The following ADGRF3 variants were observed in gnomAD, a reference collection of about 807,000 sequenced individuals.
ADGRF3 encodes G protein-coupled receptor 113.
ADGRF3 carries 85 observed loss-of-function variants against 93.2 expected under a neutral mutation model. The ratio of observed to expected loss-of-function variants is 0.91; its 90% CI spans 0.77 to 1.09. ADGRF3 has a LOEUF of 1.09. ADGRF3 is among the 50% of genes least tolerant of loss of function. The pLI, the probability that ADGRF3 is intolerant of heterozygous loss-of-function variation, is 0.00. For synonymous variants in ADGRF3, 534 were observed against 532.5 expected (o/e 1.00, Z -0.04); for missense variants, 1,125 against 1,246.2 (o/e 0.90, Z 1.46).
At chr2:26,345,388 G>GCT (rs1409828491) in intron 1 of ADGRF3, among the ~76,000 whole-genome samples, 4 of 152,162 alleles carry the variant, frequency 2.6e-5, no homozygotes, top group African/African-American at 9.7e-5. Context: ...AGAGATCACT[G>GCT]CTTTTATCTG....
chr2:26,316,023 A>G (rs1399774423), intron 4 of ADGRF3, among the ~76,000 whole-genome samples: 2 of 151,968 alleles, frequency 1.3e-5, no homozygotes, highest in Non-Finnish European at 2.9e-5. Context: ...CCTGCCTCCT[A>G]AGGTAAAAAG....
intron 1 of ADGRF3, among the ~76,000 whole-genome samples, chr2:26,332,785 T>C (rs1675839040): frequency 1.3e-5 from 2 of 152,084 alleles, no homozygotes; most frequent in Non-Finnish European, 2.9e-5. Flanking sequence ...TGTTAATTTT[T>C]TTTTCTATTT....
intron 1 of ADGRF3, chr2:26,318,937 T>G (rs1370973344): frequency 6.4e-7 from 1 of 1,551,574 alleles, no homozygotes; most frequent in East Asian, 2.4e-5. Context: ...CTGCAGACCT[T>G]CCCTGGGTCT....
chr2:26,312,661 T>A (rs1674281148), intron 9 of ADGRF3, among the ~76,000 whole-genome samples: 1 of 152,194 alleles, frequency 6.6e-6, no homozygotes, highest in Admixed American at 6.5e-5. Context: ...CCTGTCTGTA[T>A]CATAGCCACA....
chr2:26,325,791 T>C (rs1267236654), intron 1 of ADGRF3, among the ~76,000 whole-genome samples: 1 of 152,224 alleles, frequency 6.6e-6, no homozygotes, highest in East Asian at 1.9e-4. Context: ...CTTATAAACT[T>C]AAGTATCTGT....
chr2:26,344,222 G>A (rs1033627759), intron 1 of ADGRF3, among the ~76,000 whole-genome samples: 1 of 152,092 alleles, frequency 6.6e-6, no homozygotes, highest in Non-Finnish European at 1.5e-5. Context: ...TCGGTTCACC[G>A]TAACCCCACC....
chr2:26,313,203 G>T, intron 8 of ADGRF3, 81 bp from the exon 9 acceptor site: 1 of 1,544,300 alleles, frequency 6.5e-7, no homozygotes, highest in Non-Finnish European at 8.9e-7. Flanking sequence ...CATGGAGATT[G>T]TTGACCCCCA....
chr2:26,316,519 C>T (rs1674692365), intron 3 of ADGRF3, 71 bp from the exon 4 acceptor site: 4 of 1,453,736 alleles, frequency 2.8e-6, no homozygotes, highest in Non-Finnish European at 3.7e-6. Flanking sequence ...CAGACACCTG[C>T]CTGATGCCTG....
At chr2:26,343,362 G>T (rs1056493337) in intron 1 of ADGRF3, among the ~76,000 whole-genome samples, 1 of 152,122 alleles carries the variant, frequency 6.6e-6, no homozygotes, top group Non-Finnish European at 1.5e-5. Context: ...CAGTTTCACT[G>T]AATTTCAGAG....
rs1195543866 is a variant in ADGRF3 at position 26,316,276 on chromosome 2, AG to A, written c.497del (p.Pro166LeufsTer8). Reference sequence around the variant, plus strand: ...TTCCAAGTTCCCAACCTTCCTCACCAGGTGGCAGCAACTGGCAGTACCCGGG... The same window carrying A: ...TTCCAAGTTCCCAACCTTCCTCACCAGTGGCAGCAACTGGCAGTACCCGGG... ...PEPGYCQLLPPVPGILNLNSQ... is the reference protein window; with the variant it reads ...PEPGYCQLLPXVPGILNLNSQ... On this transcript the variant is annotated frameshift_variant and splice_region_variant, in exon 4 of 14. Coordinates refer to ENST00000651242, the MANE Select transcript of ADGRF3 (RefSeq NM_001321971.2). LOFTEE classifies it high-confidence loss of function. 1.3e-6 allele frequency: 2 copies of A among 1,551,092 alleles called. No individual in the cohort carries two copies. Among genetic ancestry groups the A allele is most frequent in the Non-Finnish European group, 8.7e-7 (1 of 1,146,756 alleles).
intron 3 of ADGRF3, 126 bp from the exon 4 acceptor site, chr2:26,316,574 G>A: frequency 2.0e-6 from 2 of 985,682 alleles, no homozygotes; most frequent in African/African-American, 1.6e-5. Context: ...CAAGCTACAG[G>A]TGCCTCAGTC....
chr2:26,344,654 G>A (rs1340968252), intron 1 of ADGRF3, among the ~76,000 whole-genome samples: 1 of 152,162 alleles, frequency 6.6e-6, no homozygotes, highest in African/African-American at 2.4e-5. Flanking sequence ...TTGGTTGGCG[G>A]GCGCCCATTC....
At chr2:26,339,642 A>G (rs1469469324) in intron 1 of ADGRF3, among the ~76,000 whole-genome samples, 3 of 152,130 alleles carry the variant, frequency 2.0e-5, no homozygotes, top group Non-Finnish European at 4.4e-5. Flanking sequence ...TATAGACTCC[A>G]TGGTCCCTCT....
At chr2:26,315,459 A>G in intron 5 of ADGRF3, 63 bp downstream of exon 5, 3 of 1,496,490 alleles carry the variant, frequency 2.0e-6, no homozygotes, top group Non-Finnish European at 2.7e-6. Context: ...CAGAGAAGGA[A>G]GACGAGGATG....
chr2:26,313,688 G>A (rs894770894), intron 7 of ADGRF3, 72 bp downstream of exon 7: 32 of 1,591,824 alleles, frequency 2.0e-5, no homozygotes, highest in Admixed American at 8.7e-5. Context: ...GCAGAGACGT[G>A]CCATGCAAGA....
At chr2:26,343,442 T>TA (rs1676503810) in intron 1 of ADGRF3, among the ~76,000 whole-genome samples, 1 of 151,948 alleles carries the variant, frequency 6.6e-6, no homozygotes, top group African/African-American at 2.4e-5. Flanking sequence ...ATGATCTTTT[T>TA]TTTTTTTATT....
chr2:26,325,277 G>A (rs923284915), intron 1 of ADGRF3, among the ~76,000 whole-genome samples: 12 of 152,150 alleles, frequency 7.9e-5, no homozygotes, highest in African/African-American at 2.9e-4. Flanking sequence ...ATTGTTTGAT[G>A]CTATAAAATT....
chr2:26,320,434 T>G (rs941475876), intron 1 of ADGRF3, among the ~76,000 whole-genome samples: 1 of 152,152 alleles, frequency 6.6e-6, no homozygotes, highest in African/African-American at 2.4e-5. Context: ...AGGCGGAGGT[T>G]GCAGTGAGCT....
intron 1 of ADGRF3, among the ~76,000 whole-genome samples, chr2:26,332,031 T>C (rs1675797906): frequency 2.6e-5 from 4 of 152,372 alleles, no homozygotes; most frequent in African/African-American, 4.8e-5. Flanking sequence ...CATTAGCTTT[T>C]AGTTACACAT....
Sources: gnomAD v4.1 joint callset for allele counts (sites outside exome capture counted in the v4.1 genomes callset) on GRCh38, gnomAD v4.1.1 for gene constraint, MANE v1.5 for transcripts, NCBI Gene and HGNC (gene_info 2026-07-23, HGNC 2026-07-21) for gene names.